The following SUN1 variants were observed in gnomAD, a reference collection of about 807,000 sequenced individuals.
SUN1 encodes the protein SUN domain-containing protein 1.
In SUN1, 61 loss-of-function variants were observed where a neutral mutation model predicts 103.2. The ratio of observed to expected loss-of-function variants is 0.59; its 90% CI spans 0.48 to 0.73. The LOEUF (loss-of-function observed/expected upper bound fraction) is 0.73. Among genes scored for constraint, SUN1 ranks in the 30% least tolerant of loss-of-function variants. The pLI, the probability that SUN1 is intolerant of heterozygous loss-of-function variation, is 0.00. For missense variants in SUN1, 1,052 were observed against 1,034.6 expected, an observed-to-expected ratio of 1.02 and a Z score of -0.23; for synonymous variants, 490 against 425.7, an observed-to-expected ratio of 1.15 and a Z score of -1.86.
chr7:854,558 G>T (rs1825365761), intron 10 of SUN1, among the ~76,000 whole-genome samples: 1 of 152,266 alleles, frequency 6.6e-6, no homozygotes, highest in Admixed American at 6.5e-5. Flanking sequence ...TGGCGTGCTG[G>T]AGACGGCGAG....
chr7:817,977 C>A lies in SUN1; in HGVS notation c.-74+1304C>A, dbSNP rs543829561. Among the ~76,000 whole-genome samples, 42 of 152,134 alleles carry A rather than the reference C, an allele frequency of 2.8e-4. No homozygotes were observed. The South Asian group carries it at 5.8e-3, about 21-fold the overall frequency. ...ATATCTATTTAGCATTTTAGTTTGG[C>A]CATGGTATTTTAAATTTCCCAGAGC... On this transcript the variant is annotated intron_variant, in intron 1 of 17. Coordinates refer to the SUN1 transcript ENST00000389574.
In SUN1 at chr7:860,316, G is replaced by C. The variant is rs1180654699; in HGVS notation, c.1713G>C (p.Gln571His). The C allele has an allele frequency of 6.2e-7, 1 of 1,614,258 alleles. No individual in the cohort carries two copies. The highest frequency in any genetic ancestry group is 1.7e-5 in the Admixed American group (1 of 60,030). The part of the protein sequence containing the change: ...NVTHHVSVTK[Q>H]LPTSEAVVSA... ...CCCACCACGTTTCCGTGACCAAGCAGCTCCCAACCTCAGAAGCCGTGGTGT... is the reference window on the plus strand; with the variant it reads ...CCCACCACGTTTCCGTGACCAAGCACCTCCCAACCTCAGAAGCCGTGGTGT... The change falls in exon 14 of 19, where the codon CAG becomes CAC. Residue 571 changes from glutamine to histidine, a missense_variant. This residue lies in a region of SUN1 where 846 missense variants were observed against 774.5 expected (regional missense o/e 1.09). Coordinates refer to ENST00000401592, the MANE Select transcript of SUN1 (RefSeq NM_001130965.3).
chr7:842,290 G>T (rs887021705), intron 3 of SUN1, among the ~76,000 whole-genome samples, 160 bp downstream of exon 3: 1 of 152,140 alleles, frequency 6.6e-6, no homozygotes, highest in Non-Finnish European at 1.5e-5. Context: ...GTGACTGGCT[G>T]GTAGGAGCAT....
At chr7:854,358 C>G (rs556945151) in intron 10 of SUN1, among the ~76,000 whole-genome samples, 67 of 152,368 alleles carry the variant, frequency 4.4e-4, no homozygotes, top group African/African-American at 1.5e-3. Flanking sequence ...TCTGCACTGC[C>G]TAGTGGAGGA....
chr7:863,744 C>T (rs1001376815), intron 15 of SUN1, among the ~76,000 whole-genome samples: 1 of 152,160 alleles, frequency 6.6e-6, no homozygotes, highest in Non-Finnish European at 1.5e-5. Context: ...TGGGTGACAC[C>T]AGGCTCAATC....
rs1828856123 is a variant in SUN1, at chr7:857,784, G to C, written c.1395-44G>C. 2.6e-6 allele frequency: 4 copies of C among 1,524,362 alleles called. No homozygotes were observed. In the East Asian group the frequency reaches 9.3e-5, roughly 36 times the overall value. 94.4% of individuals were successfully genotyped at this position (1,524,362 alleles called of 1,614,324 possible). ...TGTGTGTAGTGTGGGAAGCGTATAG[G>C]CTGGGAGGCTTGTGTGTGACCCATT... On this transcript the variant is annotated intron_variant, in intron 12 of 18. Transcript: ENST00000401592.
intron 15 of SUN1, among the ~76,000 whole-genome samples, chr7:862,446 G>A (rs910471048): frequency 1.3e-5 from 2 of 152,214 alleles, no homozygotes; most frequent in African/African-American, 4.8e-5. Context: ...GACTGAAGTC[G>A]TGATAAAAAT....
intron 5 of SUN1, chr7:843,812 A>C: frequency 7.1e-7 from 1 of 1,414,156 alleles, no homozygotes; most frequent in Non-Finnish European, 9.2e-7. Context: ...AGTCACTTTC[A>C]GATGCACACC....
chr7:844,202 G>A (rs1296371301), intron 5 of SUN1, among the ~76,000 whole-genome samples: 1 of 152,240 alleles, frequency 6.6e-6, no homozygotes, highest in Non-Finnish European at 1.5e-5. Context: ...ATTCCCTGGG[G>A]GGCTGGGATT....
intron 14 of SUN1, 82 bp from the exon 15 acceptor site, chr7:861,298 T>C (rs1161304701): frequency 5.9e-6 from 8 of 1,361,756 alleles, no homozygotes; most frequent in Non-Finnish European, 8.4e-6. Context: ...TGTAAGTGTC[T>C]GGTCCTCATC....
At chr7:865,473 A>G (rs899288863) in intron 15 of SUN1, among the ~76,000 whole-genome samples, 1 of 152,132 alleles carries the variant, frequency 6.6e-6, no homozygotes, top group African/African-American at 2.4e-5. Context: ...CATTTTCCTC[A>G]TGCATTCATC....
At chr7:851,283 G>A in intron 5 of SUN1, 101 bp from the exon 6 acceptor site, 1 of 985,892 alleles carries the variant, frequency 1.0e-6, no homozygotes, top group African/African-American at 1.6e-5. Flanking sequence ...CACCGATGCA[G>A]GCTTTGGTGA....
intron 15 of SUN1, among the ~76,000 whole-genome samples, chr7:864,772 G>C (rs982646917): frequency 1.0e-4 from 9 of 89,058 alleles, no homozygotes; most frequent in Admixed American, 9.1e-4. Flanking sequence ...GGGACTACAG[G>C]GGCGCGTCAC....
chr7:866,526 G>A (rs1836755773), intron 16 of SUN1, among the ~76,000 whole-genome samples: 1 of 120,848 alleles, frequency 8.3e-6, no homozygotes, highest in South Asian at 2.8e-4. Context: ...GTCTCCCCGG[G>A]CCTTCTCCCC....
chr7:831,381 C>T (rs1797824091), upstream of SUN1, among the ~76,000 whole-genome samples: 1 of 151,668 alleles, frequency 6.6e-6, no homozygotes, highest in African/African-American at 2.4e-5. Flanking sequence ...ATGCCATTCT[C>T]CTGCCTCAGC....
chr7:828,088 GA>G (rs1794309907), upstream of SUN1, among the ~76,000 whole-genome samples: 1 of 151,460 alleles, frequency 6.6e-6, no homozygotes, highest in Non-Finnish European at 1.5e-5. Flanking sequence ...ATTTTTAATA[GA>G]GGGGTGGTTT....
rs375219796 is a variant in SUN1 at position 852,770 on chromosome 7, G to A, written c.911-40G>A. On this transcript the variant is annotated intron_variant, in intron 8 of 18. Transcript: ENST00000401592. The stretch of plus-strand genomic sequence containing the variant: ...CGTGTAAGTCCATGTTTTGAGAAGC[G>A]TGGTGTACCTGTGTGTGTGTGGTGG... 219 of 1,612,276 alleles carry A rather than the reference G, an allele frequency of 1.4e-4. 2 individuals carry two copies. The African/African-American group carries it at 2.6e-3, about 19-fold the overall frequency.
In SUN1 at chr7:847,404, C is replaced by T. The variant is rs1261904101; in HGVS notation, c.658+3884C>T. 4.0e-5 allele frequency among the ~76,000 whole-genome samples: 6 copies of T among 148,368 alleles called. No individual in the cohort carries two copies. The South Asian group carries it at 1.3e-3, about 32-fold the overall frequency. The stretch of plus-strand genomic sequence containing the variant: ...TCCGCAGTCCAGTCTCCGGGATCCC[C>T]TGGGGGTTACCCCGCAGCACCCTCT... On this transcript the variant is annotated intron_variant, in intron 5 of 18. Coordinates refer to ENST00000401592, the MANE Select transcript of SUN1 (RefSeq NM_001130965.3).
chr7:819,310 G>T (rs2128125142), intron 1 of SUN1, among the ~76,000 whole-genome samples: 1 of 151,618 alleles, frequency 6.6e-6, no homozygotes, highest in East Asian at 1.9e-4. Context: ...TCTCTTGTTG[G>T]TGTCCTTTGA....
Sources: allele counts gnomAD v4.1 joint callset (sites outside exome capture counted in the v4.1 genomes callset), GRCh38; gene constraint gnomAD v4.1.1; regional missense constraint gnomAD v4.1.1; transcripts MANE v1.5; gene names NCBI Gene and HGNC (gene_info 2026-07-23, HGNC 2026-07-21).